The following NUP210L variants were observed in gnomAD, a reference collection of about 807,000 sequenced individuals.
The protein encoded by NUP210L is nucleoporin 210 like.
Under a neutral mutation model 208.5 loss-of-function variants are expected in NUP210L, and 74 were observed. That is an observed-to-expected ratio of 0.35 (90% CI 0.29 to 0.43). The LOEUF is 0.43. NUP210L is among the 20% of genes least tolerant of loss of function. The pLI is 1.00. For missense variants in NUP210L, 1,843 were observed against 2,289.4 expected (o/e 0.81, Z 3.98); for synonymous variants, 780 against 816.9 (o/e 0.95, Z 0.77).
At chr1:154,041,360 A>C (rs1270587782) in intron 27 of NUP210L, among the ~76,000 whole-genome samples, 1 of 151,944 alleles carries the variant, frequency 6.6e-6, no homozygotes, top group African/African-American at 2.4e-5. Context: ...TGTGTGACAG[A>C]GTCTCTGTCA....
intron 27 of NUP210L, among the ~76,000 whole-genome samples, chr1:154,032,933 A>G (rs539671687): frequency 7.6e-4 from 109 of 144,288 alleles, no homozygotes; most frequent in African/African-American, 2.3e-3. Context: ...GCAAGACTAC[A>G]TCTCAAAAGA....
chr1:154,019,563 C>G (rs760743781), intron 32 of NUP210L, among the ~76,000 whole-genome samples: 1 of 152,128 alleles, frequency 6.6e-6, no homozygotes, highest in Non-Finnish European at 1.5e-5. Context: ...TCCTTCATCA[C>G]ATGATGAAGC....
At chr1:154,054,802 T>C (rs1653718423) in exon 24 of NUP210L, 2 of 1,613,542 alleles carry the variant, frequency 1.2e-6, no homozygotes, top group Non-Finnish European at 1.7e-6. Context: ...AGTGTCATTT[T>C]CTCTGGAAGA....
intron 10 of NUP210L, among the ~76,000 whole-genome samples, chr1:154,121,564 T>A (rs572407499): frequency 4.6e-5 from 7 of 152,272 alleles, no homozygotes; most frequent in Non-Finnish European, 8.8e-5. Flanking sequence ...ATAAAGTTCT[T>A]CCACCATAAG....
intron 38 of NUP210L, among the ~76,000 whole-genome samples, chr1:153,993,628 T>A (rs1203202260): frequency 2.7e-5 from 4 of 150,710 alleles, no homozygotes; most frequent in African/African-American, 9.8e-5. Context: ...TTTTTTTTTT[T>A]TAGGCTGTGT....
intron 17 of NUP210L, among the ~76,000 whole-genome samples, chr1:154,066,352 C>T (rs1192793348): frequency 1.3e-5 from 2 of 152,226 alleles, no homozygotes; most frequent in African/African-American, 4.8e-5. Context: ...GTGGCTCACG[C>T]CTGTAATCCC....
At chr1:154,070,457 T>C (rs772697424) in exon 17 of NUP210L, 1 of 1,559,420 alleles carries the variant, frequency 6.4e-7, no homozygotes, top group Non-Finnish European at 8.7e-7. Context: ...TCAGTCTTGA[T>C]ACAGGAATCT....
At chr1:154,097,481 A>C (rs1033733343) in intron 14 of NUP210L, among the ~76,000 whole-genome samples, 3 of 152,072 alleles carry the variant, frequency 2.0e-5, no homozygotes, top group Non-Finnish European at 4.4e-5. Context: ...GTAAGAAAAA[A>C]CCTAATGGAA....
chr1:154,076,392 G>A (rs1655043297), intron 16 of NUP210L, among the ~76,000 whole-genome samples: 1 of 152,222 alleles, frequency 6.6e-6, no homozygotes, highest in South Asian at 2.1e-4. Context: ...ATGAGCCACT[G>A]TGCCCGGCCA....
chr1:154,063,022 G>A (rs550535250), intron 17 of NUP210L, among the ~76,000 whole-genome samples: 10 of 152,052 alleles, frequency 6.6e-5, no homozygotes, highest in Non-Finnish European at 1.3e-4. Context: ...TATTTATTGA[G>A]GGCCTACTAC....
intron 2 of NUP210L, among the ~76,000 whole-genome samples, chr1:154,143,908 A>G (rs1658983136): frequency 6.6e-6 from 1 of 152,164 alleles, no homozygotes; most frequent in Non-Finnish European, 1.5e-5. Flanking sequence ...TAGGTCTTGC[A>G]TGGTGGCTCA....
At chr1:154,054,325 C>A (rs1218270896) in exon 25 of NUP210L, 1 of 1,614,222 alleles carries the variant, frequency 6.2e-7, no homozygotes, top group Admixed American at 1.7e-5. Flanking sequence ...AACTTGCCCC[C>A]TCCTATTAAC....
chr1:154,053,778 C>G (rs1001450329), intron 25 of NUP210L, among the ~76,000 whole-genome samples: 3 of 152,308 alleles, frequency 2.0e-5, no homozygotes, highest in Admixed American at 6.5e-5. Flanking sequence ...GGGTTAATCT[C>G]TGTTCATGGC....
At chr1:154,077,073 A>G (rs1290799564) in intron 16 of NUP210L, among the ~76,000 whole-genome samples, 1 of 152,086 alleles carries the variant, frequency 6.6e-6, no homozygotes. Flanking sequence ...GAGATGACAC[A>G]TTCAAAGTAA....
chr1:154,129,387 T>C (rs780171209), intron 7 of NUP210L, 42 bp from the exon 8 acceptor site: 1 of 1,237,058 alleles, frequency 8.1e-7, no homozygotes, highest in Non-Finnish European at 1.2e-6. Context: ...CAGAGTTGGG[T>C]GAAAAGGTGA....
At chr1:154,003,212 T>TTA (rs975232508) in intron 35 of NUP210L, among the ~76,000 whole-genome samples, 1 of 149,548 alleles carries the variant, frequency 6.7e-6, no homozygotes, top group Non-Finnish European at 1.5e-5. Flanking sequence ...TATTATTATT[T>TTA]TATATATATT....
At chr1:154,102,819 C>T (rs1656536265) in intron 13 of NUP210L, among the ~76,000 whole-genome samples, 1 of 151,704 alleles carries the variant, frequency 6.6e-6, no homozygotes, top group Non-Finnish European at 1.5e-5. Context: ...TGAATGTATG[C>T]ATATATTAAA....
rs776584042 is a variant in NUP210L at position 154,095,161 on chromosome 1, T to C, written c.1966-5A>G. Reference sequence around the variant, plus strand: ...CACTTCCACAGGATTTAAAGCCTGATGATATTTAAAGAAATTAATTCCTGA... The same window carrying C: ...CACTTCCACAGGATTTAAAGCCTGACGATATTTAAAGAAATTAATTCCTGA... On this transcript the variant is annotated splice_polypyrimidine_tract_variant and splice_region_variant and intron_variant, in intron 14 of 39. Transcript: ENST00000368559. 12 of 1,604,594 alleles carry C rather than the reference T, an allele frequency of 7.5e-6. No homozygotes were observed. In the Admixed American group the frequency reaches 1.8e-4, roughly 25 times the overall value.
intron 27 of NUP210L, among the ~76,000 whole-genome samples, chr1:154,041,394 A>G (rs1413395681): frequency 1.3e-5 from 2 of 152,092 alleles, no homozygotes; most frequent in Non-Finnish European, 2.9e-5. Flanking sequence ...ACAGTGGTGC[A>G]ATCTCAGCCC....
Sources: gnomAD v4.1 joint callset for allele counts (sites outside exome capture counted in the v4.1 genomes callset) on GRCh38, gnomAD v4.1.1 for gene constraint, MANE v1.5 for transcripts, NCBI Gene and HGNC (gene_info 2026-07-23, HGNC 2026-07-21) for gene names.